The following ATG101 variants were observed in gnomAD, a reference collection of about 807,000 sequenced individuals.
The protein encoded by ATG101 is autophagy related 101.
A neutral mutation model predicts 16.7 loss-of-function variants in ATG101; 6 were observed. The observed-to-expected ratio is 0.36, with a 90% CI of 0.20 to 0.71. The LOEUF (loss-of-function observed/expected upper bound fraction) is 0.71, where lower values mean the gene tolerates loss of function less well. ATG101 is among the 30% of genes least tolerant of loss of function. The probability of loss-of-function intolerance (pLI) is 0.57; values close to 1 mark genes in which losing one functional copy is unlikely to be tolerated. For missense variants in ATG101, 200 were observed against 292.5 expected (o/e 0.68, Z 2.31); for synonymous variants, 108 against 118.1 (o/e 0.91, Z 0.56).
Position 52,077,255 on chromosome 12 carries a change from T to C in ATG101, c.*65T>C, listed in dbSNP as rs1330641324. On this transcript the variant is annotated 3_prime_UTR_variant, in exon 4 of 4. Coordinates refer to ENST00000336854, the MANE Select transcript of ATG101 (RefSeq NM_021934.5). ...ACCTTGGCTTTTGGGAATTGCACTT[T>C]TGGGCCTTTGGGCTCTGGAACCTGC... The C allele has an allele frequency of 9.1e-6, 14 of 1,531,120 alleles. No homozygotes were observed. The highest frequency in any genetic ancestry group is 2.8e-5 in the African/African-American group (2 of 72,710). 94.8% of individuals were successfully genotyped at this position (1,531,120 alleles called of 1,614,324 possible).
chr12:52,074,527 C>CTT (rs111830977), intron 3 of ATG101, among the ~76,000 whole-genome samples: 1 of 146,756 alleles, frequency 6.8e-6, no homozygotes. Flanking sequence ...TTCTTTCTTC[C>CTT]TTTTTTTTTT....
chr12:52,066,459 A>G (rs1054166697), upstream of ATG101, among the ~76,000 whole-genome samples: 4 of 152,102 alleles, frequency 2.6e-5, no homozygotes, highest in South Asian at 2.1e-4. Flanking sequence ...GCCAATTCCA[A>G]TGTTAGGCTC....
At chr12:52,067,753 A>ATTTTT (rs60759494), upstream of ATG101, among the ~76,000 whole-genome samples, 5 of 140,646 alleles carry the variant, frequency 3.6e-5, no homozygotes, top group Non-Finnish European at 4.7e-5. Context: ...AAGCTTGGCT[A>ATTTTT]TTTTTTTTTT....
upstream of ATG101, among the ~76,000 whole-genome samples, chr12:52,065,668 C>T (rs1939541363): frequency 6.6e-6 from 1 of 152,104 alleles, no homozygotes; most frequent in Admixed American, 6.5e-5. Flanking sequence ...TTCCCCAGTC[C>T]AGTAGGCAAG....
upstream of ATG101, among the ~76,000 whole-genome samples, chr12:52,066,764 G>C (rs1565659095): frequency 6.6e-6 from 1 of 152,126 alleles, no homozygotes; most frequent in Non-Finnish European, 1.5e-5. Flanking sequence ...TGATGATGAT[G>C]ATGATGTCAG....
At chr12:52,065,440 C>T (rs924157325), upstream of ATG101, among the ~76,000 whole-genome samples, 1 of 152,188 alleles carries the variant, frequency 6.6e-6, no homozygotes, top group Non-Finnish European at 1.5e-5. Flanking sequence ...TAGACGATTA[C>T]GTCTTGATCA....
intron 3 of ATG101, among the ~76,000 whole-genome samples, chr12:52,074,390 T>C (rs898471647): frequency 6.6e-6 from 1 of 152,230 alleles, no homozygotes; most frequent in Non-Finnish European, 1.5e-5. Context: ...GGCCGGCTGC[T>C]GCTGTTGGTC....
chr12:52,073,874 C>T lies in ATG101; in HGVS notation c.224C>T (p.Ala75Val), dbSNP rs1289778775. 6.2e-7 allele frequency: 1 copy of T among 1,614,064 alleles called. No individual in the cohort carries two copies. The highest frequency in any genetic ancestry group is 8.5e-7 in the Non-Finnish European group (1 of 1,180,030). ...VRVSSEELDR[A>V]LRKVVGEFKD... ...GTCTCTTCTGAGGAACTGGATCGTG[C>T]CCTGCGCAAGGTTGTTGGGGAGTTC... Residue 75 changes from alanine (A) to valine (V), a missense_variant, in exon 3 of 4, where the codon GCC becomes GTC. Ala to Val is a moderately conservative substitution (Grantham distance 64). Transcript: ENST00000336854.
intron 1 of ATG101, 48 bp downstream of exon 1, chr12:52,070,290 C>T (rs2120604147): frequency 6.6e-6 from 1 of 152,430 alleles, no homozygotes; most frequent in African/African-American, 2.4e-5. Context: ...GCGGGAATTC[C>T]TTCCTGCGTC....
At position 52,076,500 on chromosome 12, in the gene ATG101, G is replaced by A. The variant is rs144900681; in HGVS notation, c.253-286G>A. On this transcript the variant is annotated intron_variant, in intron 3 of 3. Coordinates refer to ENST00000336854, the MANE Select transcript of ATG101 (RefSeq NM_021934.5). ...GTGTTAAGTTCCTAGCACAGAATAC[G>A]TGCCTGCAGACCAGTAGTTATTCCT... Among the ~76,000 whole-genome samples, 1,498 of 152,324 alleles carry A rather than the reference G, an allele frequency of 9.8e-3. 10 individuals carry two copies. Among genetic ancestry groups the A allele is most frequent in the Non-Finnish European group, 0.016 (1,103 of 68,018 alleles).
intron 3 of ATG101, among the ~76,000 whole-genome samples, chr12:52,075,654 C>G (rs1461565120): frequency 6.6e-6 from 1 of 152,184 alleles, no homozygotes; most frequent in Non-Finnish European, 1.5e-5. Flanking sequence ...TCCTGGCTGC[C>G]CTAGGAAGAG....
chr12:52,072,994 G>C (rs1939673994), intron 2 of ATG101, among the ~76,000 whole-genome samples: 1 of 152,102 alleles, frequency 6.6e-6, no homozygotes, highest in Admixed American at 6.6e-5. Flanking sequence ...GGCTGGTCTT[G>C]AACTTTTGAG....
intron 3 of ATG101, among the ~76,000 whole-genome samples, chr12:52,074,440 G>A (rs1184432948): frequency 6.6e-6 from 1 of 152,172 alleles, no homozygotes; most frequent in African/African-American, 2.4e-5. Flanking sequence ...TTCTCCTCTG[G>A]TCTTTGTTCA....
At chr12:52,069,650 C>T (rs1297181274), upstream of ATG101, 7 of 152,102 alleles carry the variant, frequency 4.6e-5, no homozygotes, top group East Asian at 1.4e-3. Flanking sequence ...GGCCGAGAGC[C>T]CGTAGGGCTC....
intron 2 of ATG101, 65 bp downstream of exon 2, chr12:52,070,548 C>T (rs773768068): frequency 6.6e-6 from 1 of 152,460 alleles, no homozygotes; most frequent in African/African-American, 2.4e-5. Flanking sequence ...CTCTGCCACT[C>T]GGGGGGACAA....
At chr12:52,070,513 C>T (rs976870127) in intron 2 of ATG101, 30 bp downstream of exon 2, 1 of 152,470 alleles carries the variant, frequency 6.6e-6, no homozygotes, top group African/African-American at 2.4e-5. Context: ...GTGCTCCAGC[C>T]AGGCTTGAGA....
chr12:52,067,612 G>A (rs1301848778), upstream of ATG101, among the ~76,000 whole-genome samples: 2 of 150,110 alleles, frequency 1.3e-5, no homozygotes, highest in African/African-American at 2.5e-5. Flanking sequence ...TTTTTGAGAC[G>A]GAGTCTCGCT....
In ATG101 at chr12:52,073,581, C is replaced by T. The variant is rs893615580; in HGVS notation, c.-70C>T. The T allele has an allele frequency of 9.9e-5, 154 of 1,563,380 alleles. No homozygotes were observed. Among genetic ancestry groups the T allele is most frequent in the Non-Finnish European group, 1.3e-4 (147 of 1,151,426 alleles). The stretch of plus-strand genomic sequence containing the variant: ...ACCTGGGCTCCTTTTGCAGGGTGGC[C>T]CTTGGGTAGGGTGAAGATCCCCTGT... On this transcript the variant is annotated 5_prime_UTR_variant, in exon 3 of 4. Transcript: ENST00000336854.
At chr12:52,076,465 G>A (rs1684016865) in intron 3 of ATG101, among the ~76,000 whole-genome samples, 1 of 152,184 alleles carries the variant, frequency 6.6e-6, no homozygotes, top group Non-Finnish European at 1.5e-5. Flanking sequence ...AGGAGCCAGT[G>A]GGATTGTGTG....
Sources: gnomAD v4.1 joint callset for allele counts (sites outside exome capture counted in the v4.1 genomes callset) on GRCh38, gnomAD v4.1.1 for gene constraint, MANE v1.5 for transcripts, NCBI Gene and HGNC (gene_info 2026-07-23, HGNC 2026-07-21) for gene names.